TCF7: variants seen among roughly 807,000 people sequenced by gnomAD.
TCF7 encodes the protein T-cell-factor-7.
In TCF7, 19 loss-of-function variants were observed where a neutral mutation model predicts 46.8. The observed-to-expected ratio is 0.41, with a 90% CI of 0.28 to 0.60. The LOEUF is 0.60. Ranked by LOEUF, TCF7 falls within the 20% of genes least tolerant of loss-of-function variation. The pLI, the probability that TCF7 is intolerant of heterozygous loss-of-function variation, is 0.35. For missense variants in TCF7, 547 were observed against 504.6 expected, an observed-to-expected ratio of 1.08 and a Z score of -0.81; for synonymous variants, 245 against 213.4, an observed-to-expected ratio of 1.15 and a Z score of -1.29.
chr5:134,136,062 TG>T (rs968386079), intron 3 of TCF7, among the ~76,000 whole-genome samples: 1 of 151,676 alleles, frequency 6.6e-6, no homozygotes, highest in Non-Finnish European at 1.5e-5. Flanking sequence ...ACTGTCTGGC[TG>T]GGTTGAAGGG....
intron 3 of TCF7, among the ~76,000 whole-genome samples, chr5:134,125,501 C>T (rs1181860386): frequency 1.3e-5 from 2 of 152,244 alleles, no homozygotes; most frequent in Admixed American, 1.3e-4. Flanking sequence ...GCACAGGTCT[C>T]ACTCAGCTGG....
chr5:134,142,621 T>C, intron 6 of TCF7, 100 bp from the exon 7 acceptor site: 1 of 1,458,000 alleles, frequency 6.9e-7, no homozygotes, highest in Non-Finnish European at 9.2e-7. Context: ...AACTCTGGTA[T>C]CATACACTTA....
intron 3 of TCF7, among the ~76,000 whole-genome samples, chr5:134,137,442 AAAAAAC>A: frequency 6.6e-6 from 1 of 151,354 alleles, no homozygotes. Context: ...AAAAAAAAAA[AAAAAAC>A]AGAGAAAAAA....
intron 9 of TCF7, 37 bp from the exon 10 acceptor site, chr5:134,146,187 C>G (rs369899387): frequency 1.2e-6 from 2 of 1,614,084 alleles, no homozygotes; most frequent in South Asian, 1.1e-5. Context: ...TATGAATTCA[C>G]CCTCTGTTTA....
chr5:134,140,444 G>C (rs1041217714), intron 5 of TCF7: 4 of 204,580 alleles, frequency 2.0e-5, no homozygotes, highest in Admixed American at 5.8e-5. Context: ...AGGATGACCA[G>C]GAATTGAAGC....
Position 134,138,055 on chromosome 5 carries a change from T to C in TCF7, c.442-4T>C. On this transcript the variant is annotated splice_polypyrimidine_tract_variant and splice_region_variant and intron_variant, in intron 3 of 9. Coordinates refer to ENST00000342854, the MANE Select transcript of TCF7 (RefSeq NM_003202.5). Reference sequence around the variant, plus strand: ...ACTCACCCACCCTCCTTCTCATTTTTCAGCACAAGGCCAATCAGCCCCCCC... The same window carrying C: ...ACTCACCCACCCTCCTTCTCATTTTCCAGCACAAGGCCAATCAGCCCCCCC... 6.3e-7 allele frequency: 1 copy of C among 1,591,038 alleles called. No homozygotes were observed. Among genetic ancestry groups the C allele is most frequent in the Non-Finnish European group, 8.6e-7 (1 of 1,165,818 alleles).
chr5:134,131,360 T>C (rs1244506679), intron 3 of TCF7, among the ~76,000 whole-genome samples: 1 of 152,248 alleles, frequency 6.6e-6, no homozygotes, highest in Non-Finnish European at 1.5e-5. Flanking sequence ...GCATTTATGT[T>C]ACTCAGTGTC....
chr5:134,146,390 G>A lies in TCF7; in HGVS notation c.*87G>A, dbSNP rs769682904. 42 of 1,525,544 alleles carry A rather than the reference G, an allele frequency of 2.8e-5. No homozygotes were observed. The highest frequency in any genetic ancestry group is 3.5e-5 in the Non-Finnish European group (38 of 1,099,432). The allele number at this position is 1,525,544 out of a possible 1,614,324, so 94.5% of individuals were successfully genotyped here. A position where few individuals can be genotyped will look rare whatever the true frequency, so the allele number is the denominator to read the frequency against. On this transcript the variant is annotated 3_prime_UTR_variant, in exon 10 of 10. Transcript: ENST00000342854. ...CACAGAACTGCTTACTAGCCCTGCG[G>A]AGCCGGCACCTACATCCCCAGGTCT...
chr5:134,124,502 T>A (rs1757061299), intron 3 of TCF7, among the ~76,000 whole-genome samples: 1 of 152,092 alleles, frequency 6.6e-6, no homozygotes, highest in African/African-American at 2.4e-5. Context: ...GAGTCTGGCC[T>A]TCTCCTGGGA....
upstream of TCF7, among the ~76,000 whole-genome samples, chr5:134,111,606 G>A (rs56073313): frequency 1.3e-5 from 2 of 152,068 alleles, no homozygotes; most frequent in South Asian, 2.1e-4. Context: ...GCCAGCAAAG[G>A]TCTTGGGCCC....
intron 5 of TCF7, chr5:134,139,547 G>A (rs903397101): frequency 2.6e-5 from 4 of 154,484 alleles, no homozygotes; most frequent in Non-Finnish European, 4.3e-5. Context: ...TTAAGCCCAA[G>A]CCTCTGACCA....
intron 2 of TCF7, 138 bp downstream of exon 2, chr5:134,115,525 G>GT (rs1755680275): frequency 1.4e-6 from 2 of 1,449,912 alleles, no homozygotes. Flanking sequence ...GGGGTGGAGA[G>GT]TGGGGGGCGG....
intron 3 of TCF7, among the ~76,000 whole-genome samples, chr5:134,127,540 G>A (rs1757499958): frequency 6.6e-6 from 1 of 152,214 alleles, no homozygotes; most frequent in Admixed American, 6.5e-5. Context: ...ATCCCGGGCT[G>A]GGCTAGGGGG....
At chr5:134,116,127 A>G (rs1755805930) in intron 3 of TCF7, 94 bp downstream of exon 3, 1 of 1,482,588 alleles carries the variant, frequency 6.7e-7, no homozygotes, top group Non-Finnish European at 9.0e-7. Context: ...CTGGAACAAA[A>G]TAGACGAGAC....
At chr5:134,140,558 C>T in intron 5 of TCF7, 1 of 337,994 alleles carries the variant, frequency 3.0e-6, no homozygotes, top group East Asian at 9.6e-5. Flanking sequence ...GCTGGAGGGG[C>T]CCAGGGGCCT....
intron 2 of TCF7, 134 bp from the exon 3 acceptor site, chr5:134,115,775 T>TC (rs1465491666): frequency 9.3e-6 from 14 of 1,510,426 alleles, no homozygotes; most frequent in Non-Finnish European, 1.2e-5. Context: ...CTGCCGATAC[T>TC]CCCAGCCCGT....
intron 3 of TCF7, 134 bp downstream of exon 3, chr5:134,116,167 C>T (rs1755813117): frequency 2.1e-6 from 3 of 1,428,994 alleles, no homozygotes; most frequent in Non-Finnish European, 2.7e-6. Context: ...CCCATACACA[C>T]CCGGTGGGAT....
intron 5 of TCF7, 106 bp downstream of exon 5, chr5:134,139,144 C>T (rs1759348286): frequency 6.0e-6 from 9 of 1,498,760 alleles, no homozygotes; most frequent in Non-Finnish European, 7.1e-6. Context: ...ACCCTGCTGC[C>T]AGCTCTGTTT....
At chr5:134,145,159 C>T (rs1224420144) in intron 9 of TCF7, 2 of 626,174 alleles carry the variant, frequency 3.2e-6, no homozygotes, top group East Asian at 3.5e-5. Context: ...AGCAGGTCCT[C>T]AGCAAACAGA....
Sources: gnomAD v4.1 joint callset for allele counts (sites outside exome capture counted in the v4.1 genomes callset) on GRCh38, gnomAD v4.1.1 for gene constraint, MANE v1.5 for transcripts, NCBI Gene and HGNC (gene_info 2026-07-23, HGNC 2026-07-21) for gene names.